Variants in UST observed in about 807,000 individuals in gnomAD.
The protein encoded by UST is uronyl 2-sulfotransferase, also known as chondroitin sulfate 2-O-sulfotransferase.
UST carries 21 observed loss-of-function variants against 45.6 expected under a neutral mutation model. The observed-to-expected ratio is 0.46, with a 90% CI of 0.33 to 0.66. UST has a LOEUF of 0.66. UST is among the 30% of genes least tolerant of loss of function. UST has a pLI of 0.02. For missense variants in UST, 463 were observed against 512.4 expected (o/e 0.90, Z 0.93); for synonymous variants, 215 against 200.6 (o/e 1.07, Z -0.61).
intron 4 of UST, among the ~76,000 whole-genome samples, chr6:148,956,474 C>T (rs1582922433): frequency 6.6e-6 from 1 of 152,272 alleles, no homozygotes; most frequent in East Asian, 1.9e-4. Context: ...ATGGGGGAAA[C>T]CACCCCATGA....
chr6:149,025,973 C>T (rs943752670), intron 7 of UST, among the ~76,000 whole-genome samples: 3 of 152,060 alleles, frequency 2.0e-5, no homozygotes, highest in Non-Finnish European at 4.4e-5. Context: ...ATAGTGAAAC[C>T]CCATCTCTAC....
intron 1 of UST, among the ~76,000 whole-genome samples, chr6:148,832,108 A>C (rs1203501900): frequency 6.6e-6 from 1 of 152,156 alleles, no homozygotes; most frequent in Admixed American, 6.5e-5. Context: ...ATTCTGCCTC[A>C]ACCTCCTAAG....
intron 1 of UST, among the ~76,000 whole-genome samples, chr6:148,761,942 G>A (rs1474678953): frequency 2.0e-5 from 3 of 152,190 alleles, no homozygotes; most frequent in East Asian, 1.9e-4. Flanking sequence ...ATGGAGAAAC[G>A]ATTCCAGAAA....
intron 2 of UST, among the ~76,000 whole-genome samples, chr6:148,915,547 G>T (rs1195042525): frequency 6.6e-6 from 1 of 152,160 alleles, no homozygotes; most frequent in Non-Finnish European, 1.5e-5. Context: ...AGCAGGAAAT[G>T]TTGGAAAGTC....
Position 148,748,109 on chromosome 6 carries a change from C to T in UST, c.247+432C>T, listed in dbSNP as rs948107390. 6.6e-6 allele frequency among the ~76,000 whole-genome samples: 1 copy of T among 152,168 alleles called. No homozygotes were observed. Among genetic ancestry groups the T allele is most frequent in the Non-Finnish European group, 1.5e-5 (1 of 68,032 alleles). ...ACCGCAGTTCAGTCCCGTCCCGCGC[C>T]CCGGGGAGTGTGGGTGGGTTTAGCC... On this transcript the variant is annotated intron_variant, in intron 1 of 7. Transcript: ENST00000367463. This position sits in a 1 kb window ranked among gnomAD's most constrained non-coding sequence, Gnocchi z 5.3.
intron 1 of UST, among the ~76,000 whole-genome samples, chr6:148,843,269 A>G (rs943355348): frequency 6.6e-6 from 1 of 152,238 alleles, no homozygotes; most frequent in East Asian, 1.9e-4. Context: ...ATGTTCTGCT[A>G]GGGGACTTTT....
At position 149,073,826 on chromosome 6, in the gene UST, C is replaced by A. The variant is rs1312938650; in HGVS notation, c.938-7C>A. On this transcript the variant is annotated splice_polypyrimidine_tract_variant and splice_region_variant and intron_variant, in intron 7 of 7. Coordinates refer to ENST00000367463, the MANE Select transcript of UST (RefSeq NM_005715.3). ...ATGGCTCATGTGCGACCCCGGTTCT[C>A]TTCCAGAGCACAGGAAGCTTGGAAA... 1.9e-6 allele frequency: 3 copies of A among 1,611,716 alleles called. No homozygotes were observed. The Admixed American group carries it at 5.0e-5, about 27-fold the overall frequency.
intron 3 of UST, 26 bp downstream of exon 3, chr6:148,941,460 A>T (rs760523934): frequency 1.3e-6 from 2 of 1,573,754 alleles, no homozygotes; most frequent in East Asian, 4.5e-5. Flanking sequence ...ACATTGTTAA[A>T]TTGTGTTTTG....
intron 1 of UST, among the ~76,000 whole-genome samples, chr6:148,807,703 G>A (rs1777177128): frequency 6.6e-6 from 1 of 152,126 alleles, no homozygotes; most frequent in African/African-American, 2.4e-5. Context: ...TGGGTAAGAA[G>A]CAAGAAGGAA....
chr6:148,818,226 G>A (rs777272452), intron 1 of UST, among the ~76,000 whole-genome samples: 1 of 149,904 alleles, frequency 6.7e-6, no homozygotes, highest in Middle Eastern at 3.4e-3. Flanking sequence ...TCTTGCAGTC[G>A]ACGATGTGTC....
At chr6:148,893,261 C>G (rs1460673642) in intron 2 of UST, among the ~76,000 whole-genome samples, 1 of 152,178 alleles carries the variant, frequency 6.6e-6, no homozygotes, top group African/African-American at 2.4e-5. Flanking sequence ...TTATGCTGAT[C>G]CAGCAATCTC....
chr6:148,829,437 C>T (rs1023131286), intron 1 of UST, among the ~76,000 whole-genome samples: 3 of 152,142 alleles, frequency 2.0e-5, no homozygotes, highest in Non-Finnish European at 4.4e-5. Flanking sequence ...CATTGTGAAG[C>T]GGGCAGAGCA....
intron 4 of UST, chr6:148,959,114 G>A (rs1181615841): frequency 6.6e-6 from 1 of 152,080 alleles, no homozygotes; most frequent in Non-Finnish European, 1.5e-5. Flanking sequence ...TGTGCAAGGG[G>A]GTGCATTTTG....
At chr6:148,936,998 A>C (rs1286793164) in intron 2 of UST, among the ~76,000 whole-genome samples, 1 of 152,196 alleles carries the variant, frequency 6.6e-6, no homozygotes, top group African/African-American at 2.4e-5. Context: ...CCTGGCCATC[A>C]GAAACAAATC....
chr6:149,028,199 A>G (rs1401507572), intron 7 of UST, among the ~76,000 whole-genome samples: 2 of 151,964 alleles, frequency 1.3e-5, no homozygotes, highest in African/African-American at 4.8e-5. Context: ...CGCATGCTAG[A>G]CCCCCTCCTC....
intron 1 of UST, among the ~76,000 whole-genome samples, chr6:148,876,166 G>A (rs548084176): frequency 1.3e-5 from 2 of 152,152 alleles, no homozygotes; most frequent in Admixed American, 6.5e-5. Context: ...GGAGAGCAGG[G>A]GTCTCACAGG....
chr6:148,792,769 T>G, intron 1 of UST, among the ~76,000 whole-genome samples: 1 of 152,240 alleles, frequency 6.6e-6, no homozygotes, highest in East Asian at 1.9e-4. Flanking sequence ...TTTGCTGTAC[T>G]ATTCAAAAAT....
intron 5 of UST, among the ~76,000 whole-genome samples, chr6:148,979,146 C>A (rs1247021343): frequency 1.3e-5 from 2 of 152,186 alleles, no homozygotes; most frequent in Non-Finnish European, 2.9e-5. Flanking sequence ...TTGTCAACCA[C>A]CTGTGTCACC....
chr6:148,867,994 T>A (rs968368991), intron 1 of UST, among the ~76,000 whole-genome samples: 2 of 152,192 alleles, frequency 1.3e-5, no homozygotes, highest in Admixed American at 1.3e-4. Flanking sequence ...ATCTTCTTAA[T>A]GTCTCAGTCA....
Sources: gnomAD v4.1 joint callset for allele counts (sites outside exome capture counted in the v4.1 genomes callset) on GRCh38, gnomAD v4.1.1 for gene constraint, Gnocchi (gnomAD v3.1) non-coding constraint, MANE v1.5 for transcripts, NCBI Gene and HGNC (gene_info 2026-07-23, HGNC 2026-07-21) for gene names.